PLXNC1: variants seen among roughly 807,000 people sequenced by gnomAD.
PLXNC1 encodes plexin-C1.
PLXNC1 carries 75 observed loss-of-function variants against 178.2 expected under a neutral mutation model. The ratio of observed to expected loss-of-function variants is 0.42; its 90% CI spans 0.35 to 0.51. The LOEUF (loss-of-function observed/expected upper bound fraction) is 0.51, where lower values mean the gene tolerates loss of function less well. Ranked by LOEUF, PLXNC1 falls within the 20% of genes least tolerant of loss-of-function variation. PLXNC1 has a pLI of 0.02. For synonymous variants in PLXNC1, 790 were observed against 779.9 expected (o/e 1.01, Z -0.22); for missense variants, 1,503 against 1,984.4 (o/e 0.76, Z 4.61).
chr12:94,268,810 G>C (rs1965408632), intron 21 of PLXNC1, among the ~76,000 whole-genome samples: 1 of 151,928 alleles, frequency 6.6e-6, no homozygotes, highest in Admixed American at 6.6e-5. Flanking sequence ...GGCTAGCCTG[G>C]TCTTGAACTC....
chr12:94,228,242 T>C (rs1286797173), intron 9 of PLXNC1, among the ~76,000 whole-genome samples: 1 of 152,232 alleles, frequency 6.6e-6, no homozygotes, highest in Non-Finnish European at 1.5e-5. Flanking sequence ...CTCCAGACTT[T>C]AGCAGTCTCT....
At chr12:94,273,113 A>C (rs1011306628) in intron 21 of PLXNC1, among the ~76,000 whole-genome samples, 1 of 152,232 alleles carries the variant, frequency 6.6e-6, no homozygotes, top group Non-Finnish European at 1.5e-5. Context: ...AATGGCACCT[A>C]CTTCATAGAG....
chr12:94,190,813 T>A (rs1020124715), intron 4 of PLXNC1, among the ~76,000 whole-genome samples: 11 of 152,208 alleles, frequency 7.2e-5, no homozygotes, highest in African/African-American at 2.2e-4. Context: ...ATGCTAAGCA[T>A]GTTCCTGCCC....
chr12:94,192,967 G>A (rs1303042160), intron 4 of PLXNC1, among the ~76,000 whole-genome samples: 1 of 152,124 alleles, frequency 6.6e-6, no homozygotes, highest in Non-Finnish European at 1.5e-5. Flanking sequence ...AGGGTTTCAT[G>A]GGGGCACATA....
rs78730195 is a variant in PLXNC1, at chr12:94,161,836, C to T, written c.1063-7317C>T. 1.1e-3 allele frequency among the ~76,000 whole-genome samples: 160 copies of T among 152,220 alleles called. 1 individual carries two copies. The East Asian group carries it at 0.025, about 24-fold the overall frequency. On this transcript the variant is annotated intron_variant, in intron 1 of 30. Transcript: ENST00000258526. ...ACCAAGGCCCAGTATTTACAAGGGA[C>T]GAATCTTGGCTCAATTAAAGAACTC...
intron 27 of PLXNC1, among the ~76,000 whole-genome samples, chr12:94,300,396 G>A (rs1238373284): frequency 1.3e-5 from 2 of 152,198 alleles, no homozygotes; most frequent in Non-Finnish European, 2.9e-5. Flanking sequence ...AGCACAAGTT[G>A]TGAGGCACGT....
At chr12:94,191,427 G>C (rs777586363) in intron 4 of PLXNC1, among the ~76,000 whole-genome samples, 5 of 152,204 alleles carry the variant, frequency 3.3e-5, no homozygotes, top group Admixed American at 1.3e-4. Flanking sequence ...TACATGTCTA[G>C]AAAGTGGAAT....
chr12:94,245,967 C>A (rs886170769), intron 12 of PLXNC1, among the ~76,000 whole-genome samples: 1 of 152,114 alleles, frequency 6.6e-6, no homozygotes, highest in Non-Finnish European at 1.5e-5. Flanking sequence ...CAATTAGTGA[C>A]AATGAAAGCA....
intron 20 of PLXNC1, among the ~76,000 whole-genome samples, chr12:94,261,214 C>T (rs1964981311): frequency 6.6e-6 from 1 of 152,196 alleles, no homozygotes; most frequent in South Asian, 2.1e-4. Context: ...ATACCCGTTG[C>T]CTACCAATAT....
chr12:94,240,034 C>G (rs148710100), intron 10 of PLXNC1, among the ~76,000 whole-genome samples: 2 of 152,286 alleles, frequency 1.3e-5, no homozygotes, highest in East Asian at 3.9e-4. Flanking sequence ...CTTGCTTCAT[C>G]TATCTTATCT....
At chr12:94,190,143 G>A (rs558649611) in intron 4 of PLXNC1, among the ~76,000 whole-genome samples, 25 of 152,306 alleles carry the variant, frequency 1.6e-4, no homozygotes, top group African/African-American at 5.5e-4. Context: ...CTGTGGCCTC[G>A]AAGGAGAGCT....
intron 23 of PLXNC1, among the ~76,000 whole-genome samples, chr12:94,288,996 A>G (rs1040680117): frequency 6.6e-6 from 1 of 152,204 alleles, no homozygotes; most frequent in African/African-American, 2.4e-5. Context: ...CAATGCCAGC[A>G]TTTCTCTTAG....
chr12:94,292,386 T>C (rs1967425332), intron 23 of PLXNC1, among the ~76,000 whole-genome samples: 1 of 152,240 alleles, frequency 6.6e-6, no homozygotes, highest in South Asian at 2.1e-4. Context: ...TGCCAGTATA[T>C]ATTTAATGTG....
intron 5 of PLXNC1, among the ~76,000 whole-genome samples, chr12:94,214,549 G>A (rs1963589030): frequency 6.6e-6 from 1 of 152,190 alleles, no homozygotes; most frequent in African/African-American, 2.4e-5. Flanking sequence ...CTCATCTTAA[G>A]TGGCTGCATA....
intron 5 of PLXNC1, among the ~76,000 whole-genome samples, chr12:94,210,225 A>C (rs1207804633): frequency 1.3e-5 from 2 of 152,212 alleles, no homozygotes; most frequent in Non-Finnish European, 2.9e-5. Flanking sequence ...GACCATTGCA[A>C]GTGAGGTCCT....
chr12:94,167,884 T>A (rs1187181846), intron 1 of PLXNC1: 3 of 152,246 alleles, frequency 2.0e-5, no homozygotes, highest in Non-Finnish European at 4.4e-5. Context: ...GGACAAATCC[T>A]GGCTAGCTTA....
At chr12:94,160,321 A>T (rs1961334676) in intron 1 of PLXNC1, among the ~76,000 whole-genome samples, 1 of 152,170 alleles carries the variant, frequency 6.6e-6, no homozygotes, top group South Asian at 2.1e-4. Flanking sequence ...TGATTATAGC[A>T]TGGTGAGATG....
At chr12:94,167,326 AC>A in intron 1 of PLXNC1, among the ~76,000 whole-genome samples, 1 of 152,298 alleles carries the variant, frequency 6.6e-6, no homozygotes, top group Non-Finnish European at 1.5e-5. Context: ...TGGATAATCT[AC>A]AGTCCACATC....
intron 6 of PLXNC1, among the ~76,000 whole-genome samples, chr12:94,223,502 G>A (rs918208763): frequency 3.9e-5 from 6 of 152,182 alleles, no homozygotes; most frequent in Non-Finnish European, 5.9e-5. Flanking sequence ...ATGGCCCTGG[G>A]ATCTATAGCT....
Sources: allele counts gnomAD v4.1 joint callset (sites outside exome capture counted in the v4.1 genomes callset), GRCh38; gene constraint gnomAD v4.1.1; transcripts MANE v1.5; gene names NCBI Gene and HGNC (gene_info 2026-07-23, HGNC 2026-07-21).